NUP205: variants seen among roughly 807,000 people sequenced by gnomAD.
The protein encoded by NUP205 is nucleoporin 205.
A neutral mutation model predicts 253.8 loss-of-function variants in NUP205; 76 were observed. The ratio of observed to expected loss-of-function variants is 0.30; its 90% confidence interval spans 0.25 to 0.36. NUP205 has a LOEUF of 0.36. Ranked by LOEUF, NUP205 falls within the 10% of genes least tolerant of loss-of-function variation. NUP205 has a pLI of 1.00. For missense variants in NUP205, 2,162 were observed against 2,425.5 expected (o/e 0.89, Z 2.28); for synonymous variants, 832 against 850.1 (o/e 0.98, Z 0.37).
rs772495576 is a variant in NUP205, at chr7:135,627,945, T to C, written c.4794-28T>C. 16 of 1,611,052 alleles carry C rather than the reference T, an allele frequency of 9.9e-6. No individual in the cohort carries two copies. In the East Asian group the frequency reaches 3.1e-4, roughly 31 times the overall value. ...CGAGAGTATACCTTAATTCTTGGAATGTTTTCTCCTTGTTTGGTTGAAATA... is the reference window on the plus strand; with the variant it reads ...CGAGAGTATACCTTAATTCTTGGAACGTTTTCTCCTTGTTTGGTTGAAATA... On this transcript the variant is annotated intron_variant, in intron 33 of 42. Coordinates refer to ENST00000285968, the MANE Select transcript of NUP205 (RefSeq NM_015135.3).
At chr7:135,572,156 G>A (rs1220856564) in intron 2 of NUP205, among the ~76,000 whole-genome samples, 3 of 152,076 alleles carry the variant, frequency 2.0e-5, no homozygotes, top group African/African-American at 7.2e-5. Flanking sequence ...ACTGTGCCCT[G>A]CTGTGATTTT....
intron 36 of NUP205, 61 bp from the exon 37 acceptor site, chr7:135,637,870 C>T (rs1379566718): frequency 6.8e-7 from 1 of 1,476,918 alleles, no homozygotes; most frequent in Non-Finnish European, 9.2e-7. Flanking sequence ...TGTTTCTATC[C>T]CTCAAGAAAG....
At chr7:135,579,782 C>T (rs1300072549) in intron 7 of NUP205, among the ~76,000 whole-genome samples, 2 of 151,602 alleles carry the variant, frequency 1.3e-5, no homozygotes, top group African/African-American at 4.8e-5. Flanking sequence ...AGTAATTGGA[C>T]TACAGGCACA....
In NUP205 at chr7:135,602,997, A is replaced by G. The variant is rs201607879; in HGVS notation, c.2702+3A>G. 2 of 1,602,648 alleles carry G rather than the reference A, an allele frequency of 1.2e-6. No individual in the cohort carries two copies. The highest frequency in any genetic ancestry group is 1.3e-5 in the African/African-American group (1 of 74,798). ...GATAATGTGGTAAACATTGCCAGGT[A>G]AGTTACCTTTGTAGGTAGAGAAATG... On this transcript the variant is annotated splice_donor_region_variant and intron_variant, in intron 18 of 42. Coordinates refer to ENST00000285968, the MANE Select transcript of NUP205 (RefSeq NM_015135.3).
intron 22 of NUP205, among the ~76,000 whole-genome samples, chr7:135,611,511 CCTTGT>C (rs1272833988): frequency 6.6e-6 from 1 of 152,114 alleles, no homozygotes; most frequent in Non-Finnish European, 1.5e-5. Context: ...TTACTCTTTT[CCTTGT>C]CTTCTTTCTC....
At chr7:135,604,661 A>G (rs1420673011) in intron 19 of NUP205, among the ~76,000 whole-genome samples, 1 of 152,208 alleles carries the variant, frequency 6.6e-6, no homozygotes, top group Non-Finnish European at 1.5e-5. Flanking sequence ...ATTCACAGTG[A>G]TACTGCATAA....
chr7:135,601,491 C>T lies in NUP205; in HGVS notation c.2496C>T (p.Thr832=), dbSNP rs372218747. 2.4e-5 allele frequency: 39 copies of T among 1,613,282 alleles called. No homozygotes were observed. In the African/African-American group the frequency reaches 4.3e-4, roughly 18 times the overall value. ...AAGAAGGAGTTAAGCAGCTTGACACCTATGCCCCCTTTCCTGGTATATGCT... is the reference window on the plus strand; with the variant it reads ...AAGAAGGAGTTAAGCAGCTTGACACTTATGCCCCCTTTCCTGGTATATGCT... ...LLEEGVKQLD[T]YAPFPGKKHL... is the part of the protein sequence containing the mutation. The change falls in exon 17 of 43, where the codon ACC becomes ACT. Residue 832 remains threonine, a synonymous_variant. Coordinates refer to ENST00000285968, the MANE Select transcript of NUP205 (RefSeq NM_015135.3).
chr7:135,617,512 C>G (rs1794386618), intron 26 of NUP205, 90 bp from the exon 27 acceptor site: 1 of 954,154 alleles, frequency 1.0e-6, no homozygotes, highest in Non-Finnish European at 1.6e-6. Flanking sequence ...GACACCTTTC[C>G]CTTTAGGGCA....
chr7:135,594,303 A>C (rs570302152), intron 12 of NUP205, among the ~76,000 whole-genome samples: 1 of 152,168 alleles, frequency 6.6e-6, no homozygotes, highest in Non-Finnish European at 1.5e-5. Context: ...ATTATTTCTC[A>C]TACTTGGAAC....
intron 34 of NUP205, 35 bp from the exon 35 acceptor site, chr7:135,630,309 G>C (rs1584686584): frequency 5.7e-6 from 8 of 1,414,760 alleles, no homozygotes; most frequent in Middle Eastern, 1.9e-4. Context: ...ACTTCTACCT[G>C]TTTTTTCTAT....
intron 1 of NUP205, among the ~76,000 whole-genome samples, chr7:135,570,026 GTT>G (rs1381675722): frequency 2.6e-5 from 3 of 116,742 alleles, no homozygotes; most frequent in African/African-American, 3.5e-5. Context: ...TGGTGTTTAT[GTT>G]TTATATATAT....
chr7:135,641,507 C>T (rs145840530), intron 38 of NUP205, among the ~76,000 whole-genome samples: 1,617 of 151,630 alleles, frequency 0.011, 31 homozygotes, highest in African/African-American at 0.037. Flanking sequence ...TGGTGGCTCA[C>T]GCCTGTAATC....
intron 1 of NUP205, among the ~76,000 whole-genome samples, chr7:135,567,833 T>C (rs879944156): frequency 6.6e-6 from 1 of 152,198 alleles, no homozygotes; most frequent in Non-Finnish European, 1.5e-5. Flanking sequence ...GACCAGTTTT[T>C]CCTTCAGAGT....
At chr7:135,574,824 T>C (rs546137415) in intron 3 of NUP205, among the ~76,000 whole-genome samples, 16 of 152,226 alleles carry the variant, frequency 1.1e-4, no homozygotes, top group Non-Finnish European at 2.1e-4. Context: ...TTTGTTTTAA[T>C]TATAATGGAG....
At position 135,635,577 on chromosome 7, in the gene NUP205, A is replaced by G. The variant is rs1401323712; in HGVS notation, c.5060-4A>G. 1.3e-6 allele frequency: 2 copies of G among 1,505,614 alleles called. No homozygotes were observed. The allele number at this position is 1,505,614 out of a possible 1,614,324, so 93.3% of individuals were successfully genotyped here. A position where few individuals can be genotyped will look rare whatever the true frequency, so the allele number is the denominator to read the frequency against. On this transcript the variant is annotated splice_polypyrimidine_tract_variant and splice_region_variant and intron_variant, in intron 35 of 42. Transcript: ENST00000285968. ...TATGTTTTAAAGCATTCTACATTTT[A>G]TAGGAATATTAAGTGAACTTGACGT... is the stretch of plus-strand genomic sequence containing the variant.
intron 18 of NUP205, among the ~76,000 whole-genome samples, chr7:135,603,219 G>A (rs898283734): frequency 1.4e-5 from 2 of 147,040 alleles, no homozygotes; most frequent in East Asian, 2.1e-4. Flanking sequence ...GGATTCAAGC[G>A]ATTCTCCTGC....
chr7:135,565,493 T>G (rs1243376980), intron 1 of NUP205, among the ~76,000 whole-genome samples: 1 of 151,384 alleles, frequency 6.6e-6, no homozygotes, highest in Non-Finnish European at 1.5e-5. Flanking sequence ...AGTGCAATGG[T>G]GTGATCTCGG....
At chr7:135,617,748 A>G in intron 27 of NUP205, 66 bp downstream of exon 27, 1 of 962,316 alleles carries the variant, frequency 1.0e-6, no homozygotes, top group Non-Finnish European at 1.6e-6. Context: ...TGAAAAGACT[A>G]AAATAGTATA....
At chr7:135,634,382 T>C (rs1202846768) in intron 35 of NUP205, among the ~76,000 whole-genome samples, 1 of 152,188 alleles carries the variant, frequency 6.6e-6, no homozygotes, top group Non-Finnish European at 1.5e-5. Flanking sequence ...AAGTGAACTT[T>C]GGAACAGCAA....
Sources: allele counts gnomAD v4.1 joint callset (sites outside exome capture counted in the v4.1 genomes callset), GRCh38; gene constraint gnomAD v4.1.1; transcripts MANE v1.5; gene names NCBI Gene and HGNC (gene_info 2026-07-23, HGNC 2026-07-21).